CLEC4A: variants seen among roughly 807,000 people sequenced by gnomAD.
CLEC4A encodes C-type lectin domain family 4 member A, also known as C-type (calcium dependent, carbohydrate-recognition domain) lectin, superfamily member 6.
A neutral mutation model predicts 32.7 loss-of-function variants in CLEC4A; 27 were observed. The ratio of observed to expected loss-of-function variants is 0.83; its 90% CI spans 0.61 to 1.14. The LOEUF (loss-of-function observed/expected upper bound fraction) is 1.14, where lower values mean the gene tolerates loss of function less well. Ranked by LOEUF, CLEC4A falls within the 50% of genes most tolerant of loss-of-function variation. CLEC4A has a pLI of 0.00. For synonymous variants in CLEC4A, 89 were observed against 93.7 expected, an observed-to-expected ratio of 0.95 and a Z score of 0.29; for missense variants, 253 against 274.6, an observed-to-expected ratio of 0.92 and a Z score of 0.55.
At position 8,138,353 on chromosome 12, in the gene CLEC4A, T is replaced by C. The variant is rs1948164251; in HGVS notation, c.*66T>C. On this transcript the variant is annotated 3_prime_UTR_variant, in exon 6 of 6. Coordinates refer to ENST00000229332, the MANE Select transcript of CLEC4A (RefSeq NM_016184.4). ...GTCATTGTAGGGATAGATAATAAGCTCTTCTTATTCATGTGTAAGGGAGGT... is the reference window on the plus strand; with the variant it reads ...GTCATTGTAGGGATAGATAATAAGCCCTTCTTATTCATGTGTAAGGGAGGT... 1 of 1,561,444 alleles carries C rather than the reference T, an allele frequency of 6.4e-7. No homozygotes were observed. Among genetic ancestry groups the C allele is most frequent in the Non-Finnish European group, 8.8e-7 (1 of 1,141,500 alleles).
At chr12:8,126,276 C>T (rs1947900353) in intron 2 of CLEC4A, among the ~76,000 whole-genome samples, 2 of 152,224 alleles carry the variant, frequency 1.3e-5, no homozygotes, top group Admixed American at 1.3e-4. Flanking sequence ...GCAATCTTGG[C>T]TCACTGCAAC....
At chr12:8,118,580 G>T in the CLEC4A span, among the ~76,000 whole-genome samples, 2,552 of 152,272 alleles carry the variant, frequency 0.017, 33 homozygotes, top group Non-Finnish European at 0.029. Flanking sequence ...GCAGGAGGAA[G>T]AGAGAGAGGG....
At chr12:8,135,394 C>T (rs1435163890) in intron 3 of CLEC4A, among the ~76,000 whole-genome samples, 191 bp from the exon 4 acceptor site, 1 of 152,080 alleles carries the variant, frequency 6.6e-6, no homozygotes, top group African/African-American at 2.4e-5. Context: ...AGGGGCCCTG[C>T]CTCATTACTG....
At chr12:8,135,514 A>G in intron 3 of CLEC4A, 71 bp from the exon 4 acceptor site, 1 of 1,515,110 alleles carries the variant, frequency 6.6e-7, no homozygotes, top group East Asian at 2.3e-5. Context: ...TTGGCTCTTA[A>G]TTTTAATAAT....
At chr12:8,126,467 A>C (rs1181113059) in intron 2 of CLEC4A, among the ~76,000 whole-genome samples, 1 of 148,456 alleles carries the variant, frequency 6.7e-6, no homozygotes, top group Non-Finnish European at 1.5e-5. Context: ...CAGTCTGCCT[A>C]CCTCAGCCTC....
the CLEC4A span, among the ~76,000 whole-genome samples, chr12:8,108,053 T>C: frequency 6.6e-6 from 1 of 152,310 alleles, no homozygotes; most frequent in Non-Finnish European, 1.5e-5. Flanking sequence ...TAACAACTGC[T>C]TTAGCTGTGT....
At chr12:8,128,149 C>T (rs144714156) in intron 2 of CLEC4A, among the ~76,000 whole-genome samples, 91 of 152,094 alleles carry the variant, frequency 6.0e-4, no homozygotes, top group African/African-American at 2.0e-3. Flanking sequence ...ATGGAGGAAA[C>T]GGAGCTCATC....
the CLEC4A span, among the ~76,000 whole-genome samples, chr12:8,103,376 GTTTTTTTTTTTTTTTT>G: frequency 3.5e-5 from 2 of 56,512 alleles, no homozygotes; most frequent in South Asian, 1.3e-3. Flanking sequence ...TCTTTCTGTT[GTTTTTTTTTTTTTTTT>G]TTTTTTTTTT....
At chr12:8,134,876 G>C in intron 3 of CLEC4A, 1 of 1,501,432 alleles carries the variant, frequency 6.7e-7, no homozygotes, top group Non-Finnish European at 8.9e-7. Flanking sequence ...CCCCAAGCAT[G>C]GTGAAATCTT....
At chr12:8,119,381 C>T (rs563684561), upstream of CLEC4A, among the ~76,000 whole-genome samples, 69 of 152,232 alleles carry the variant, frequency 4.5e-4, 1 homozygote, top group South Asian at 0.013. Context: ...TGCACCACCA[C>T]GCCTGGCTAA....
At chr12:8,131,673 C>G (rs780229353) in intron 3 of CLEC4A, among the ~76,000 whole-genome samples, 1 of 152,088 alleles carries the variant, frequency 6.6e-6, no homozygotes, top group Non-Finnish European at 1.5e-5. Context: ...GCACTGTGGC[C>G]TAGATAAGTT....
At chr12:8,123,005 G>A (rs1257043288), upstream of CLEC4A, among the ~76,000 whole-genome samples, 2 of 152,026 alleles carry the variant, frequency 1.3e-5, no homozygotes, top group Non-Finnish European at 2.9e-5. Context: ...TAGGCCTTTG[G>A]AAAAAGTCAT....
intron 5 of CLEC4A, among the ~76,000 whole-genome samples, chr12:8,137,493 A>G (rs1026783145): frequency 6.6e-6 from 1 of 152,226 alleles, no homozygotes; most frequent in African/African-American, 2.4e-5. Context: ...AAATTCTGAT[A>G]ATCTTATATC....
At chr12:8,106,501 T>C in the CLEC4A span, among the ~76,000 whole-genome samples, 2 of 152,232 alleles carry the variant, frequency 1.3e-5, no homozygotes, top group Admixed American at 6.5e-5. Flanking sequence ...TTTAACAATA[T>C]TGATTCTTCT....
the CLEC4A span, among the ~76,000 whole-genome samples, chr12:8,111,966 TTTTA>T: frequency 1.4e-5 from 2 of 147,652 alleles, no homozygotes; most frequent in African/African-American, 5.1e-5. Flanking sequence ...TGTGTGTGTA[TTTTA>T]TTTATTTATT....
At chr12:8,106,604 C>T in the CLEC4A span, among the ~76,000 whole-genome samples, 2 of 152,118 alleles carry the variant, frequency 1.3e-5, no homozygotes, top group Non-Finnish European at 2.9e-5. Flanking sequence ...AGATCTTTTA[C>T]CTCCCTGGTT....
At chr12:8,108,358 C>A in the CLEC4A span, among the ~76,000 whole-genome samples, 3 of 152,172 alleles carry the variant, frequency 2.0e-5, no homozygotes, top group South Asian at 6.2e-4. Context: ...GGTAGTTTAC[C>A]GTCTCATTTT....
chr12:8,137,561 A>C (rs889889833), intron 5 of CLEC4A, among the ~76,000 whole-genome samples: 1 of 152,214 alleles, frequency 6.6e-6, no homozygotes, highest in African/African-American at 2.4e-5. Context: ...TATTACATAA[A>C]TTACATAAAA....
chr12:8,107,100 T>C, the CLEC4A span, among the ~76,000 whole-genome samples: 1 of 152,208 alleles, frequency 6.6e-6, no homozygotes, highest in African/African-American at 2.4e-5. Flanking sequence ...TTGAATTTTA[T>C]CAAAAGCCTT....
Sources: gnomAD v4.1 joint callset for allele counts (sites outside exome capture counted in the v4.1 genomes callset) on GRCh38, gnomAD v4.1.1 for gene constraint, MANE v1.5 for transcripts, NCBI Gene and HGNC (gene_info 2026-07-23, HGNC 2026-07-21) for gene names.